The following ZCCHC4 variants were observed in gnomAD, a reference collection of about 807,000 sequenced individuals.
ZCCHC4 encodes the protein zinc finger CCHC-type containing 4, also known as rRNA N(6)-adenosine-methyltransferase ZCCHC4.
A neutral mutation model predicts 67.7 loss-of-function variants in ZCCHC4; 54 were observed. The ratio of observed to expected loss-of-function variants is 0.80; its 90% CI spans 0.64 to 1.00. The LOEUF is 1.00. Ranked by LOEUF, ZCCHC4 falls within the 50% of genes least tolerant of loss-of-function variation. The probability of loss-of-function intolerance (pLI) is 0.00; values close to 1 mark genes in which losing one functional copy is unlikely to be tolerated. For synonymous variants in ZCCHC4, 198 were observed against 213.5 expected, an observed-to-expected ratio of 0.93 and a Z score of 0.63; for missense variants, 609 against 617.0, an observed-to-expected ratio of 0.99 and a Z score of 0.14.
intron 5 of ZCCHC4, among the ~76,000 whole-genome samples, chr4:25,344,333 G>A (rs1267679253): frequency 6.6e-6 from 1 of 151,616 alleles, no homozygotes; most frequent in East Asian, 1.9e-4. Context: ...GATGAAATTG[G>A]AAATCATTCT....
chr4:25,361,747 C>A, intron 8 of ZCCHC4, 112 bp from the exon 9 acceptor site: 1 of 1,149,096 alleles, frequency 8.7e-7, no homozygotes, highest in Non-Finnish European at 1.2e-6. Flanking sequence ...CTTGGCATGA[C>A]AAATACTTTA....
intron 8 of ZCCHC4, among the ~76,000 whole-genome samples, chr4:25,355,789 G>A (rs984888256): frequency 6.6e-6 from 1 of 152,254 alleles, no homozygotes. Flanking sequence ...AGTAAAAAGG[G>A]GTATAAGATG....
chr4:25,338,947 CTA>C (rs748910840), intron 5 of ZCCHC4, among the ~76,000 whole-genome samples: 4 of 152,178 alleles, frequency 2.6e-5, no homozygotes, highest in East Asian at 1.9e-4. Flanking sequence ...ATACCACAGA[CTA>C]TGTGGCTTAA....
At chr4:25,320,944 C>T (rs1718550675) in intron 3 of ZCCHC4, among the ~76,000 whole-genome samples, 1 of 152,190 alleles carries the variant, frequency 6.6e-6, no homozygotes, top group African/African-American at 2.4e-5. Context: ...ACATCAGCCC[C>T]TCATTGCTTT....
chr4:25,364,923 C>A (rs942775694), intron 11 of ZCCHC4, 99 bp from the exon 12 acceptor site: 1 of 1,511,460 alleles, frequency 6.6e-7, no homozygotes, highest in South Asian at 1.3e-5. Flanking sequence ...GGCCACAATA[C>A]TTCAAGTAAA....
At chr4:25,364,936 C>T (rs1009152562) in intron 11 of ZCCHC4, 86 bp from the exon 12 acceptor site, 4 of 1,558,672 alleles carry the variant, frequency 2.6e-6, no homozygotes, top group African/African-American at 1.4e-5. Flanking sequence ...CAAGTAAACA[C>T]TGTTCGTATA....
intron 8 of ZCCHC4, 184 bp from the exon 9 acceptor site, chr4:25,361,675 C>T: frequency 1.7e-6 from 1 of 584,794 alleles, no homozygotes; most frequent in South Asian, 2.4e-5. Flanking sequence ...GAGTGTTATT[C>T]CAGCTACCCA....
At chr4:25,340,085 G>A (rs1719662696) in intron 5 of ZCCHC4, among the ~76,000 whole-genome samples, 1 of 152,048 alleles carries the variant, frequency 6.6e-6, no homozygotes, top group African/African-American at 2.4e-5. Context: ...AGCCAGGATG[G>A]TCTCGATCTC....
intron 8 of ZCCHC4, among the ~76,000 whole-genome samples, chr4:25,360,199 T>G (rs1403934638): frequency 6.6e-6 from 1 of 152,242 alleles, no homozygotes; most frequent in African/African-American, 2.4e-5. Context: ...GATATTATGC[T>G]AACCTCTGAT....
At chr4:25,321,571 C>A (rs978660547) in intron 3 of ZCCHC4, among the ~76,000 whole-genome samples, 12 of 151,902 alleles carry the variant, frequency 7.9e-5, no homozygotes, top group African/African-American at 2.9e-4. Flanking sequence ...CAGGGTTTCA[C>A]CATGTTGGCC....
chr4:25,323,695 T>C (rs1262324161), intron 3 of ZCCHC4, among the ~76,000 whole-genome samples: 1 of 152,204 alleles, frequency 6.6e-6, no homozygotes, highest in Non-Finnish European at 1.5e-5. Context: ...GATATGGGGA[T>C]CATTAGTGGA....
At chr4:25,347,633 GTATT>G (rs1413681394) in intron 6 of ZCCHC4, among the ~76,000 whole-genome samples, 1 of 152,170 alleles carries the variant, frequency 6.6e-6, no homozygotes, top group Non-Finnish European at 1.5e-5. Context: ...CAATCACTAA[GTATT>G]TAAGTGTCGG....
chr4:25,369,252 T>A lies in ZCCHC4; in HGVS notation c.*88T>A. On this transcript the variant is annotated 3_prime_UTR_variant, in exon 13 of 13. Coordinates refer to ENST00000302874, the MANE Select transcript of ZCCHC4 (RefSeq NM_024936.3). ...GTGCCACACTGGACTTAAATTCAGC[T>A]GCTTCCAGAGGTGTGCACCTTTCTG... 1.9e-6 allele frequency: 3 copies of A among 1,573,778 alleles called. No homozygotes were observed. Among genetic ancestry groups the A allele is most frequent in the South Asian group, 2.3e-5 (2 of 85,108 alleles).
rs1721064237 is a variant in ZCCHC4 at position 25,369,435 on chromosome 4, A to G, written c.*271A>G. 1.1e-5 allele frequency: 4 copies of G among 377,472 alleles called. No individual in the cohort carries two copies. In the East Asian group the frequency reaches 2.3e-4, roughly 22 times the overall value. 23.4% of individuals were successfully genotyped at this position (377,472 alleles called of 1,614,324 possible). On this transcript the variant is annotated 3_prime_UTR_variant, in exon 13 of 13. Coordinates refer to ENST00000302874, the MANE Select transcript of ZCCHC4 (RefSeq NM_024936.3). Reference sequence around the variant, plus strand: ...CTCCCAGTCACATTGTTCTATTTTTATGTTTTCATTTTTTTTGAGATGGAG... The same window carrying G: ...CTCCCAGTCACATTGTTCTATTTTTGTGTTTTCATTTTTTTTGAGATGGAG...
At position 25,361,436 on chromosome 4, in the gene ZCCHC4, G is replaced by A. The variant is rs114306782; in HGVS notation, c.1012-423G>A. 5.5e-3 allele frequency among the ~76,000 whole-genome samples: 839 copies of A among 152,324 alleles called. 16 individuals carry two copies. Among genetic ancestry groups the A allele is most frequent in the African/African-American group, 0.019 (798 of 41,572 alleles). On this transcript the variant is annotated intron_variant, in intron 8 of 12. Coordinates refer to ENST00000302874, the MANE Select transcript of ZCCHC4 (RefSeq NM_024936.3). The stretch of plus-strand genomic sequence containing the variant: ...CAGCATGACTTAGCAGGTTTGGAGC[G>A]CAGTCGTACAACTCCACATGTTATA...
intron 5 of ZCCHC4, among the ~76,000 whole-genome samples, chr4:25,341,375 A>G (rs1719750003): frequency 6.6e-6 from 1 of 152,076 alleles, no homozygotes; most frequent in East Asian, 1.9e-4. Context: ...TGTCTTTGTG[A>G]TAATAGAGGT....
intron 3 of ZCCHC4, among the ~76,000 whole-genome samples, chr4:25,330,340 T>C (rs1303252863): frequency 6.6e-6 from 1 of 152,224 alleles, no homozygotes; most frequent in African/African-American, 2.4e-5. Flanking sequence ...TTTCTTTGCA[T>C]ACCTGGTAAT....
rs559802989 is a variant in ZCCHC4 at position 25,320,871 on chromosome 4, G to A, written c.329+5471G>A. Among the ~76,000 whole-genome samples the A allele has an allele frequency of 3.3e-5, 5 of 152,346 alleles. No homozygotes were observed. In the East Asian group the frequency reaches 9.6e-4, roughly 29 times the overall value. On this transcript the variant is annotated intron_variant, in intron 3 of 12. Transcript: ENST00000302874. ...CATGTAAGTGGAGGTTCATTTTGCAGTGTTCTTTTCCTTCTTTTAAAAATG... is the reference window on the plus strand; with the variant it reads ...CATGTAAGTGGAGGTTCATTTTGCAATGTTCTTTTCCTTCTTTTAAAAATG...
chr4:25,316,277 A>G (rs1718259984), intron 3 of ZCCHC4, among the ~76,000 whole-genome samples: 1 of 152,376 alleles, frequency 6.6e-6, no homozygotes, highest in East Asian at 1.9e-4. Context: ...GAATGATGCT[A>G]CAGTGAACAT....
Sources: allele counts gnomAD v4.1 joint callset (sites outside exome capture counted in the v4.1 genomes callset), GRCh38; gene constraint gnomAD v4.1.1; transcripts MANE v1.5; gene names NCBI Gene and HGNC (gene_info 2026-07-23, HGNC 2026-07-21).